The following PLPPR1 variants were observed in gnomAD, a reference collection of about 807,000 sequenced individuals.
PLPPR1 encodes the protein phospholipid phosphatase related 1.
Under a neutral mutation model 33.1 loss-of-function variants are expected in PLPPR1, and 10 were observed. The ratio of observed to expected loss-of-function variants is 0.30; its 90% confidence interval spans 0.19 to 0.51. The LOEUF (loss-of-function observed/expected upper bound fraction) is 0.51, where lower values mean the gene tolerates loss of function less well. PLPPR1 is among the 20% of genes least tolerant of loss of function. PLPPR1 has a pLI of 0.97. For synonymous variants in PLPPR1, 151 were observed against 151.0 expected, an observed-to-expected ratio of 1.00 and a Z score of 0.00; for missense variants, 304 against 408.1, an observed-to-expected ratio of 0.74 and a Z score of 2.20.
chr9:101,295,432 A>G (rs1371902366), intron 4 of PLPPR1, among the ~76,000 whole-genome samples: 2 of 152,132 alleles, frequency 1.3e-5, no homozygotes, highest in Non-Finnish European at 2.9e-5. Flanking sequence ...GACTTTCTTC[A>G]CAGAATTGGA....
chr9:101,251,432 G>A (rs1827710514), intron 2 of PLPPR1, among the ~76,000 whole-genome samples: 1 of 152,072 alleles, frequency 6.6e-6, no homozygotes, highest in Admixed American at 6.6e-5. Context: ...AGTAACTGAT[G>A]TGTAAGCAAA....
At chr9:101,153,813 G>T (rs1831634931) in intron 1 of PLPPR1, among the ~76,000 whole-genome samples, 1 of 150,992 alleles carries the variant, frequency 6.6e-6, no homozygotes, top group African/African-American at 2.4e-5. Flanking sequence ...TTGATCTCCT[G>T]ACCTCGTGAT....
rs564604776 is a variant in PLPPR1 at position 101,091,351 on chromosome 9, G to A, written c.-46+62249G>A. On this transcript the variant is annotated intron_variant, in intron 1 of 7. Coordinates refer to ENST00000374874, the MANE Select transcript of PLPPR1 (RefSeq NM_207299.2). ...AACTTTAGTATCTTACATTTCTGGA[G>A]GTCAGTAGTTCACAATGACCCTCAC... Among the ~76,000 whole-genome samples the A allele has an allele frequency of 7.2e-5, 11 of 152,182 alleles. No individual in the cohort carries two copies. In the South Asian group the frequency reaches 1.9e-3, roughly 26 times the overall value.
At position 101,324,453 on chromosome 9, in the gene PLPPR1, A is replaced by G. The variant is rs1829216005; in HGVS notation, c.*396A>G. ...TTGCTGCCTCCTCCAGAATTTTTGA[A>G]TTTTAATAAAAGGCAAACTTTTGAG... is the stretch of plus-strand genomic sequence containing the variant. On this transcript the variant is annotated 3_prime_UTR_variant, in exon 8 of 8. Coordinates refer to ENST00000374874, the MANE Select transcript of PLPPR1 (RefSeq NM_207299.2). The G allele has an allele frequency of 6.3e-6, 1 of 159,188 alleles. No homozygotes were observed. Among genetic ancestry groups the G allele is most frequent in the African/African-American group, 2.4e-5 (1 of 41,750 alleles). The allele number at this position is 159,188 out of a possible 1,614,324, so 9.9% of individuals were successfully genotyped here.
intron 2 of PLPPR1, among the ~76,000 whole-genome samples, chr9:101,209,585 A>T (rs1826652762): frequency 6.6e-6 from 1 of 152,218 alleles, no homozygotes; most frequent in African/African-American, 2.4e-5. Flanking sequence ...GGATCTACCA[A>T]TCACATGAGG....
At chr9:101,249,802 A>G (rs1260052468) in intron 2 of PLPPR1, among the ~76,000 whole-genome samples, 2 of 152,070 alleles carry the variant, frequency 1.3e-5, no homozygotes. Context: ...CTGGAGATAG[A>G]GAAGATGCAA....
intron 1 of PLPPR1, among the ~76,000 whole-genome samples, chr9:101,040,824 C>T (rs952691336): frequency 3.3e-5 from 5 of 152,104 alleles, no homozygotes. Flanking sequence ...ATGAGGGACT[C>T]TGTATATTTT....
chr9:101,136,643 T>A (rs146090119), intron 1 of PLPPR1, among the ~76,000 whole-genome samples: 42 of 152,352 alleles, frequency 2.8e-4, no homozygotes, highest in African/African-American at 1.0e-3. Flanking sequence ...ATTCTGTGTG[T>A]TTACTTTTAA....
chr9:101,276,039 A>G (rs772497576), intron 3 of PLPPR1, among the ~76,000 whole-genome samples: 2 of 152,152 alleles, frequency 1.3e-5, no homozygotes, highest in Non-Finnish European at 2.9e-5. Context: ...TGGGCTCTCA[A>G]TAATGCAAGC....
At chr9:101,049,494 T>C (rs1367410722) in intron 1 of PLPPR1, among the ~76,000 whole-genome samples, 1 of 152,236 alleles carries the variant, frequency 6.6e-6, no homozygotes, top group Non-Finnish European at 1.5e-5. Flanking sequence ...ACATACTTCA[T>C]GTTATATGCC....
chr9:101,051,612 C>G (rs1281219452), intron 1 of PLPPR1, among the ~76,000 whole-genome samples: 1 of 152,220 alleles, frequency 6.6e-6, no homozygotes, highest in Non-Finnish European at 1.5e-5. Flanking sequence ...TCAGATGCTT[C>G]TAGTCAGAAA....
chr9:101,121,968 G>T (rs549658761), intron 1 of PLPPR1, among the ~76,000 whole-genome samples: 2 of 152,296 alleles, frequency 1.3e-5, no homozygotes, highest in South Asian at 2.1e-4. Context: ...GAACAAAAAG[G>T]CCAGTGCCAC....
At chr9:101,297,249 G>A (rs996918112) in intron 4 of PLPPR1, among the ~76,000 whole-genome samples, 4 of 147,960 alleles carry the variant, frequency 2.7e-5, no homozygotes, top group African/African-American at 7.3e-5. Context: ...GCAGAATAAA[G>A]GCTATCCAGA....
chr9:101,080,178 G>A (rs1425417421), intron 1 of PLPPR1, among the ~76,000 whole-genome samples: 1 of 152,040 alleles, frequency 6.6e-6, no homozygotes, highest in Non-Finnish European at 1.5e-5. Context: ...TAGAATCTCT[G>A]CATACTATGG....
rs150937591 is a variant in PLPPR1, at chr9:101,108,466, T to G, written c.-45-76984T>G. 6.8e-3 allele frequency among the ~76,000 whole-genome samples: 1,037 copies of G among 152,342 alleles called. 9 individuals are homozygous for G. The highest frequency in any genetic ancestry group is 0.024 in the African/African-American group (1,002 of 41,578). ...ATAAAGAAATGATTATGCAATGTTT[T>G]GGATAAGTAGTATGATAAGATAATT... On this transcript the variant is annotated intron_variant, in intron 1 of 7. Transcript: ENST00000374874.
At chr9:101,271,385 G>A (rs1266073728) in intron 3 of PLPPR1, among the ~76,000 whole-genome samples, 1 of 152,140 alleles carries the variant, frequency 6.6e-6, no homozygotes, top group Non-Finnish European at 1.5e-5. Context: ...AAACCTGGCT[G>A]GAACTGCTCT....
rs192558386 is a variant in PLPPR1, at chr9:101,265,918, C to T, written c.64-3962C>T. 2.0e-3 allele frequency among the ~76,000 whole-genome samples: 307 copies of T among 151,620 alleles called. 1 individual carries two copies. The highest frequency in any genetic ancestry group is 6.9e-3 in the Middle Eastern group (2 of 290). ...GGCTGAGGCAGGAGAATTGTGTGAACCTGGGAGGCAGAGGTTGCAGTGAGC... is the reference window on the plus strand; with the variant it reads ...GGCTGAGGCAGGAGAATTGTGTGAATCTGGGAGGCAGAGGTTGCAGTGAGC... On this transcript the variant is annotated intron_variant, in intron 2 of 7. Coordinates refer to ENST00000374874, the MANE Select transcript of PLPPR1 (RefSeq NM_207299.2).
intron 2 of PLPPR1, among the ~76,000 whole-genome samples, chr9:101,222,741 G>C (rs1336949619): frequency 2.0e-5 from 3 of 152,106 alleles, no homozygotes; most frequent in African/African-American, 7.2e-5. Flanking sequence ...GTTTGCATGG[G>C]AACAGTAGTT....
At chr9:101,309,730 G>T (rs1362749574) in intron 5 of PLPPR1, among the ~76,000 whole-genome samples, 2 of 152,054 alleles carry the variant, frequency 1.3e-5, no homozygotes, top group Non-Finnish European at 2.9e-5. Flanking sequence ...TGAAAGCAGG[G>T]TCCCACAGTA....
Sources: allele counts gnomAD v4.1 joint callset (sites outside exome capture counted in the v4.1 genomes callset), GRCh38; gene constraint gnomAD v4.1.1; transcripts MANE v1.5; gene names NCBI Gene and HGNC (gene_info 2026-07-23, HGNC 2026-07-21).